The following ST8SIA4 variants were observed in gnomAD, a reference collection of about 807,000 sequenced individuals.
ST8SIA4 encodes ST8 alpha-N-acetyl-neuraminide alpha-2,8-sialyltransferase 4, also known as CMP-N-acetylneuraminate-poly-alpha-2,8-sialyltransferase.
A neutral mutation model predicts 33.9 loss-of-function variants in ST8SIA4; 15 were observed. That is an observed-to-expected ratio of 0.44 (90% CI 0.30 to 0.68). ST8SIA4 has a LOEUF of 0.68. Ranked by LOEUF, ST8SIA4 falls within the 30% of genes least tolerant of loss-of-function variation. The probability of loss-of-function intolerance (pLI) is 0.10; values close to 1 mark genes in which losing one functional copy is unlikely to be tolerated. For synonymous variants in ST8SIA4, 171 were observed against 151.2 expected (o/e 1.13, Z -0.96); for missense variants, 321 against 428.0 (o/e 0.75, Z 2.21).
rs1750725025 is a variant in ST8SIA4 at position 100,807,828 on chromosome 5, A to T, written c.*4019T>A. On this transcript the variant is annotated 3_prime_UTR_variant, in exon 5 of 5. Transcript: ENST00000231461. Reference sequence around the variant, plus strand: ...ATACAGACATATACACATATATAACATTGTATATATGCATCACACATGTCT... The same window carrying T: ...ATACAGACATATACACATATATAACTTTGTATATATGCATCACACATGTCT... 6.6e-6 allele frequency: 1 copy of T among 152,530 alleles called. No individual in the cohort carries two copies. The highest frequency in any genetic ancestry group is 2.4e-5 in the African/African-American group (1 of 41,432). 9.4% of individuals were successfully genotyped at this position (152,530 alleles called of 1,614,324 possible).
At chr5:100,886,321 C>CA (rs1273659197) in intron 3 of ST8SIA4, 22 bp downstream of exon 3, 1 of 1,599,492 alleles carries the variant, frequency 6.3e-7, no homozygotes, top group Admixed American at 1.7e-5. Flanking sequence ...CTTACAATCT[C>CA]AAAAAGCAGA....
At chr5:100,853,260 T>C (rs2112436615) in intron 4 of ST8SIA4, among the ~76,000 whole-genome samples, 1 of 152,350 alleles carries the variant, frequency 6.6e-6, no homozygotes, top group South Asian at 2.1e-4. Flanking sequence ...GTCAAAACGC[T>C]ATCTTACATA....
intron 3 of ST8SIA4, among the ~76,000 whole-genome samples, chr5:100,871,942 CT>C (rs1415377022): frequency 6.6e-6 from 1 of 152,034 alleles, no homozygotes; most frequent in Admixed American, 6.6e-5. Flanking sequence ...GAACATTTCA[CT>C]GTATCACTCT....
chr5:100,815,424 C>T (rs1007854858), intron 4 of ST8SIA4, among the ~76,000 whole-genome samples: 2 of 145,788 alleles, frequency 1.4e-5, no homozygotes, highest in Non-Finnish European at 3.0e-5. Context: ...TTCCTTTCTT[C>T]CTTCCTTCCT....
At chr5:100,895,575 T>C (rs1752762354) in intron 2 of ST8SIA4, 79 bp downstream of exon 2, 1 of 1,343,958 alleles carries the variant, frequency 7.4e-7, no homozygotes, top group Non-Finnish European at 1.0e-6. Context: ...ATAAATCCAG[T>C]GTTGAATACA....
chr5:100,884,199 A>G (rs1398337070), intron 3 of ST8SIA4, among the ~76,000 whole-genome samples: 2 of 152,252 alleles, frequency 1.3e-5, no homozygotes, highest in Non-Finnish European at 2.9e-5. Flanking sequence ...TCTAAAAAGT[A>G]GGCATGAAAT....
intron 4 of ST8SIA4, chr5:100,849,075 T>A: frequency 2.3e-6 from 2 of 860,764 alleles, no homozygotes; most frequent in Non-Finnish European, 2.8e-6. Flanking sequence ...TAGAAAGCTA[T>A]CTTTATTATC....
intron 3 of ST8SIA4, among the ~76,000 whole-genome samples, chr5:100,863,895 T>C (rs2112448651): frequency 6.6e-6 from 1 of 152,356 alleles, no homozygotes; most frequent in South Asian, 2.1e-4. Flanking sequence ...ACTGTCTTTA[T>C]TCACTTCAGC....
chr5:100,899,247 A>C (rs1054531962), intron 1 of ST8SIA4, among the ~76,000 whole-genome samples: 20 of 152,242 alleles, frequency 1.3e-4, no homozygotes, highest in Non-Finnish European at 2.2e-4. Context: ...CTAAGCCTGA[A>C]TACACACAGC....
chr5:100,870,685 G>T (rs992350420), intron 3 of ST8SIA4, among the ~76,000 whole-genome samples: 1 of 151,862 alleles, frequency 6.6e-6, no homozygotes, highest in African/African-American at 2.4e-5. Context: ...TCTGTGTGAG[G>T]AGTGACATAA....
At chr5:100,861,231 T>C (rs1343592704) in intron 3 of ST8SIA4, among the ~76,000 whole-genome samples, 1 of 152,004 alleles carries the variant, frequency 6.6e-6, no homozygotes, top group Non-Finnish European at 1.5e-5. Context: ...ACAATACCAA[T>C]TGTTGAAATT....
intron 3 of ST8SIA4, among the ~76,000 whole-genome samples, chr5:100,882,799 G>A (rs1413518715): frequency 1.3e-5 from 2 of 152,244 alleles, no homozygotes; most frequent in Non-Finnish European, 2.9e-5. Flanking sequence ...AGCCTTTGCA[G>A]CTCCCATAAG....
chr5:100,898,932 CT>C (rs1394229471), intron 1 of ST8SIA4, among the ~76,000 whole-genome samples: 1 of 152,182 alleles, frequency 6.6e-6, no homozygotes, highest in Admixed American at 6.5e-5. Context: ...AGGATCCCTG[CT>C]TATTTGGATC....
At chr5:100,883,348 T>C (rs1017622721) in intron 3 of ST8SIA4, among the ~76,000 whole-genome samples, 1 of 152,244 alleles carries the variant, frequency 6.6e-6, no homozygotes, top group Non-Finnish European at 1.5e-5. Context: ...TTGGAACGGC[T>C]GTATTTACCC....
rs6890230 is a variant in ST8SIA4 at position 100,885,393 on chromosome 5, T to G, written c.503+950A>C. ...CTTGAGTGTGATTTCTCATGACTTTTTTTTTAAAAGTAGTTACCTATTTAT... is the reference window on the plus strand; with the variant it reads ...CTTGAGTGTGATTTCTCATGACTTTGTTTTTAAAAGTAGTTACCTATTTAT... On this transcript the variant is annotated intron_variant, in intron 3 of 4. Coordinates refer to ENST00000231461, the MANE Select transcript of ST8SIA4 (RefSeq NM_005668.6). The G allele has an allele frequency of 2.3e-4, 225 of 965,114 alleles. 1 individual carries two copies. The African/African-American group carries it at 3.7e-3, about 16-fold the overall frequency. 59.8% of individuals were successfully genotyped at this position (965,114 alleles called of 1,614,324 possible). A position where few individuals can be genotyped will look rare whatever the true frequency, so the allele number is the denominator to read the frequency against.
chr5:100,873,090 C>T (rs1752232085), intron 3 of ST8SIA4, among the ~76,000 whole-genome samples: 1 of 152,068 alleles, frequency 6.6e-6, no homozygotes, highest in Non-Finnish European at 1.5e-5. Context: ...CAAGACCACA[C>T]TTTGAGTAGC....
intron 4 of ST8SIA4, among the ~76,000 whole-genome samples, chr5:100,831,454 C>T (rs914034415): frequency 3.3e-5 from 5 of 152,126 alleles, no homozygotes; most frequent in Non-Finnish European, 7.4e-5. Context: ...CTAAAACTTC[C>T]CACCTGGATT....
At chr5:100,834,014 A>G (rs565950236) in intron 4 of ST8SIA4, among the ~76,000 whole-genome samples, 2 of 152,324 alleles carry the variant, frequency 1.3e-5, no homozygotes, top group Admixed American at 6.5e-5. Context: ...GAATAAGTGA[A>G]TGAAAGAATT....
intron 3 of ST8SIA4, 166 bp downstream of exon 3, chr5:100,886,174 ATAT>A (rs1202729175): frequency 6.4e-6 from 9 of 1,411,148 alleles, no homozygotes; most frequent in Non-Finnish European, 8.3e-6. Flanking sequence ...AATAATTATA[ATAT>A]TCTATTCCAG....
Sources: gnomAD v4.1 joint callset for allele counts (sites outside exome capture counted in the v4.1 genomes callset) on GRCh38, gnomAD v4.1.1 for gene constraint, MANE v1.5 for transcripts, NCBI Gene and HGNC (gene_info 2026-07-23, HGNC 2026-07-21) for gene names.